ARL6: variants seen among roughly 807,000 people sequenced by gnomAD.
ARL6 encodes the protein ARF like GTPase 6.
In ARL6, 18 loss-of-function variants were observed where a neutral mutation model predicts 27.1. That is an observed-to-expected ratio of 0.66 (90% CI 0.46 to 0.98). ARL6 has a LOEUF of 0.98. Among genes scored for constraint, ARL6 ranks in the 50% least tolerant of loss-of-function variants. The pLI is 0.00. For synonymous variants in ARL6, 65 were observed against 72.3 expected (o/e 0.90, Z 0.51); for missense variants, 187 against 214.9 (o/e 0.87, Z 0.81).
At chr3:97,777,743 AATATGT>A (rs2036980527) in intron 2 of ARL6, among the ~76,000 whole-genome samples, 1 of 152,162 alleles carries the variant, frequency 6.6e-6, no homozygotes, top group Non-Finnish European at 1.5e-5. Context: ...TATCTTTTGG[AATATGT>A]TAGAGGAAAA....
chr3:97,783,279 A>G (rs992186317), intron 4 of ARL6, among the ~76,000 whole-genome samples: 1 of 151,766 alleles, frequency 6.6e-6, no homozygotes, highest in Non-Finnish European at 1.5e-5. Flanking sequence ...AACTAAGGAA[A>G]AAGGAACCAT....
intron 2 of ARL6, among the ~76,000 whole-genome samples, chr3:97,778,001 A>G (rs540889848): frequency 3.0e-4 from 45 of 152,338 alleles, no homozygotes; most frequent in Non-Finnish European, 5.7e-4. Flanking sequence ...ATTATAATTC[A>G]GTGAAGACAG....
chr3:97,797,804 C>T (rs947028503), intron 7 of ARL6, among the ~76,000 whole-genome samples: 3 of 152,058 alleles, frequency 2.0e-5, no homozygotes, highest in African/African-American at 7.2e-5. Context: ...CACTTGTAGT[C>T]TCAACTACTA....
chr3:97,773,684 AAG>A (rs1467532602), intron 2 of ARL6, among the ~76,000 whole-genome samples: 3 of 152,226 alleles, frequency 2.0e-5, no homozygotes, highest in Non-Finnish European at 4.4e-5. Flanking sequence ...ATAAAGGAAA[AAG>A]AAAATAAAAT....
At chr3:97,778,733 A>C (rs139873613) in intron 2 of ARL6, among the ~76,000 whole-genome samples, 23 of 152,290 alleles carry the variant, frequency 1.5e-4, no homozygotes, top group African/African-American at 4.6e-4. Context: ...GTTTATGAGT[A>C]AAGGATAATA....
At chr3:97,791,955 A>T in intron 7 of ARL6, 129 bp downstream of exon 7, 2 of 791,742 alleles carry the variant, frequency 2.5e-6, no homozygotes, top group Non-Finnish European at 2.1e-6. Context: ...GCTATCAGAA[A>T]AAACAATACA....
chr3:97,786,193 A>G (rs2037451008), intron 5 of ARL6, among the ~76,000 whole-genome samples: 1 of 152,094 alleles, frequency 6.6e-6, no homozygotes, highest in East Asian at 1.9e-4. Context: ...TCTACTAAAA[A>G]TACAGAAATT....
intron 2 of ARL6, among the ~76,000 whole-genome samples, chr3:97,774,603 G>T (rs918362093): frequency 6.6e-6 from 1 of 151,994 alleles, no homozygotes; most frequent in Non-Finnish European, 1.5e-5. Context: ...GCTTCATCAG[G>T]GTCCTCCCAC....
In ARL6 at chr3:97,799,484, C is replaced by T. The variant is rs1280375926; in HGVS notation, c.*1435C>T. The T allele has an allele frequency of 6.6e-6, 1 of 151,940 alleles. No homozygotes were observed. The highest frequency in any genetic ancestry group is 2.4e-5 in the African/African-American group (1 of 41,396). The allele number at this position is 151,940 out of a possible 1,614,324, so 9.4% of individuals were successfully genotyped here. ...TGAAAATCTCATTAATCTAAAGTTGCTGCAGATATAGGAAGGACATAAGGA... is the reference window on the plus strand; with the variant it reads ...TGAAAATCTCATTAATCTAAAGTTGTTGCAGATATAGGAAGGACATAAGGA... On this transcript the variant is annotated 3_prime_UTR_variant, in exon 8 of 8. Transcript: ENST00000463745.
rs963235734 is a variant in ARL6, at chr3:97,764,789, T to G, written c.-216T>G. The stretch of plus-strand genomic sequence containing the variant: ...CCTGCTCAGCGACTGATGCACAGAC[T>G]GCTGCAGAGGCTGCCGGTTTTCCCA... On this transcript the variant is annotated 5_prime_UTR_variant, in exon 1 of 8. Transcript: ENST00000463745. The G allele has an allele frequency of 1.2e-4, 19 of 152,390 alleles. No individual in the cohort carries two copies. The highest frequency in any genetic ancestry group is 2.6e-4 in the Admixed American group (4 of 15,306). 9.4% of individuals were successfully genotyped at this position (152,390 alleles called of 1,614,324 possible).
chr3:97,775,913 T>C (rs1363553034), intron 2 of ARL6, among the ~76,000 whole-genome samples: 2 of 152,342 alleles, frequency 1.3e-5, no homozygotes, highest in East Asian at 3.9e-4. Flanking sequence ...TCTGCAGCTG[T>C]TGGATGGAAT....
intron 3 of ARL6, 27 bp from the exon 4 acceptor site, chr3:97,780,588 G>C: frequency 1.3e-6 from 2 of 1,561,964 alleles, no homozygotes; most frequent in African/African-American, 1.4e-5. Flanking sequence ...AGTTTATAAT[G>C]TAGTCATGTT....
chr3:97,773,096 T>C (rs1262030647), intron 2 of ARL6, among the ~76,000 whole-genome samples: 1 of 152,076 alleles, frequency 6.6e-6, no homozygotes, highest in African/African-American at 2.4e-5. Flanking sequence ...GTTTCTTAAG[T>C]GGTATTAACT....
intron 4 of ARL6, among the ~76,000 whole-genome samples, chr3:97,782,731 G>T (rs1025348740): frequency 6.6e-6 from 1 of 151,084 alleles, no homozygotes; most frequent in African/African-American, 2.4e-5. Flanking sequence ...TACATAGAAG[G>T]TTGTATGTTA....
chr3:97,800,585 G>A lies in ARL6; in HGVS notation c.*2536G>A, dbSNP rs1056230312. The stretch of plus-strand genomic sequence containing the variant: ...TGTTTTTTATTTCTAAGCTCTCTGC[G>A]AAAAAGTTACAAATTGTCTCCTTAA... On this transcript the variant is annotated 3_prime_UTR_variant, in exon 8 of 8. Transcript: ENST00000463745. 9 of 152,088 alleles carry A rather than the reference G, an allele frequency of 5.9e-5. No individual in the cohort carries two copies. The East Asian group carries it at 1.2e-3, about 19-fold the overall frequency. 9.4% of individuals were successfully genotyped at this position (152,088 alleles called of 1,614,324 possible).
chr3:97,787,905 A>T (rs886647181), intron 5 of ARL6, 85 bp from the exon 6 acceptor site: 2 of 1,446,204 alleles, frequency 1.4e-6, no homozygotes, highest in Middle Eastern at 1.8e-4. Flanking sequence ...TTGAAAAAAA[A>T]TTTCATGGGT....
At chr3:97,785,074 A>T in intron 5 of ARL6, 25 bp downstream of exon 5, 1 of 1,575,090 alleles carries the variant, frequency 6.3e-7, no homozygotes, top group African/African-American at 1.3e-5. Flanking sequence ...TTCAGTCTGT[A>T]TCTGTTCTTT....
chr3:97,791,032 T>A (rs1273648204), intron 6 of ARL6, among the ~76,000 whole-genome samples: 1 of 152,138 alleles, frequency 6.6e-6, no homozygotes, highest in Non-Finnish European at 1.5e-5. Context: ...ATTTTATTAT[T>A]TTAATTTATA....
chr3:97,797,972 A>G (rs912192734), intron 7 of ARL6, 52 bp from the exon 8 acceptor site: 2 of 1,547,558 alleles, frequency 1.3e-6, no homozygotes, highest in Non-Finnish European at 1.8e-6. Flanking sequence ...ACTTTAGAAA[A>G]TAGATTTTGC....
Sources: allele counts gnomAD v4.1 joint callset (sites outside exome capture counted in the v4.1 genomes callset), GRCh38; gene constraint gnomAD v4.1.1; transcripts MANE v1.5; gene names NCBI Gene and HGNC (gene_info 2026-07-23, HGNC 2026-07-21).